SIPA1L2: variants seen among roughly 807,000 people sequenced by gnomAD.
The protein encoded by SIPA1L2 is signal-induced proliferation-associated 1-like protein 2.
A neutral mutation model predicts 163.9 loss-of-function variants in SIPA1L2; 56 were observed. The observed-to-expected ratio is 0.34, with a 90% CI of 0.28 to 0.43. The LOEUF is 0.43. Among genes scored for constraint, SIPA1L2 ranks in the 20% least tolerant of loss-of-function variants. The probability of loss-of-function intolerance (pLI) is 1.00; values close to 1 mark genes in which losing one functional copy is unlikely to be tolerated. For missense variants in SIPA1L2, 1,974 were observed against 2,193.5 expected, an observed-to-expected ratio of 0.90 and a Z score of 2.00; for synonymous variants, 877 against 865.7, an observed-to-expected ratio of 1.01 and a Z score of -0.23.
At chr1:232,569,423 AG>A (rs888701990) in intron 2 of SIPA1L2, among the ~76,000 whole-genome samples, 1 of 152,230 alleles carries the variant, frequency 6.6e-6, no homozygotes, top group Non-Finnish European at 1.5e-5. Flanking sequence ...AAGCAGGCAA[AG>A]GATGCTGTCG....
intron 10 of SIPA1L2, among the ~76,000 whole-genome samples, chr1:232,458,645 A>C (rs552193400): frequency 1.3e-5 from 2 of 152,196 alleles, no homozygotes; most frequent in Non-Finnish European, 2.9e-5. Flanking sequence ...AAAAGACTTG[A>C]TACAAAGGCA....
chr1:232,416,749 C>A (rs1480723144), intron 18 of SIPA1L2, among the ~76,000 whole-genome samples: 1 of 152,190 alleles, frequency 6.6e-6, no homozygotes, highest in Non-Finnish European at 1.5e-5. Flanking sequence ...GTTGGATTAC[C>A]TTTCTGACTT....
At chr1:232,560,063 T>C (rs12564016) in intron 2 of SIPA1L2, among the ~76,000 whole-genome samples, 8,470 of 152,304 alleles carry the variant, frequency 0.056, 944 homozygotes, top group East Asian at 0.5. Flanking sequence ...CACAGAACTG[T>C]TGGACTTTCA....
rs749943893 is a variant in SIPA1L2, at chr1:232,465,069, A to T, written c.2591T>A (p.Phe864Tyr). 2 of 1,614,200 alleles carry T rather than the reference A, an allele frequency of 1.2e-6. No homozygotes were observed. Among genetic ancestry groups the T allele is most frequent in the Admixed American group, 1.7e-5 (1 of 60,022 alleles). Residue 864 changes from phenylalanine to tyrosine, a missense_variant, in exon 9 of 23, where the codon TTC (phenylalanine) becomes TAC (tyrosine). Transcript: ENST00000674635. The surrounding 1 kb of genome is among the most constrained non-coding windows in gnomAD (Gnocchi z 4.1). ...ACATTCAATGTCAGCAGACTGGCCGAAGTCCCGGGCTATCACGTGCCACAT... is the reference window on the plus strand; with the variant it reads ...ACATTCAATGTCAGCAGACTGGCCGTAGTCCCGGGCTATCACGTGCCACAT... ...AIMWHVIARD[F>Y]GQSADIECLL...
intron 18 of SIPA1L2, among the ~76,000 whole-genome samples, chr1:232,418,030 T>C (rs184381891): frequency 2.8e-4 from 43 of 152,336 alleles, no homozygotes; most frequent in African/African-American, 1.0e-3. Context: ...CTGTTCATCA[T>C]GTTTTACTAA....
chr1:232,550,751 G>A (rs1014476834), intron 2 of SIPA1L2, among the ~76,000 whole-genome samples: 1 of 152,338 alleles, frequency 6.6e-6, no homozygotes, highest in Non-Finnish European at 1.5e-5. Flanking sequence ...TTGAGAAAAC[G>A]TGAGAGGTGC....
intron 1 of SIPA1L2, among the ~76,000 whole-genome samples, chr1:232,623,391 G>C (rs1175034890): frequency 6.6e-6 from 1 of 152,146 alleles, no homozygotes; most frequent in African/African-American, 2.4e-5. Flanking sequence ...AGATCACGAG[G>C]TCAGGAGATC....
At chr1:232,588,197 C>T (rs1660771991) in intron 1 of SIPA1L2, among the ~76,000 whole-genome samples, 1 of 152,156 alleles carries the variant, frequency 6.6e-6, no homozygotes, top group Non-Finnish European at 1.5e-5. Flanking sequence ...TGGGGTGGAC[C>T]TATGAGGTGA....
In SIPA1L2 at chr1:232,465,360, C is replaced by T. The variant is rs201564576; in HGVS notation, c.2300G>A (p.Gly767Asp). 258 of 1,613,802 alleles carry T rather than the reference C, an allele frequency of 1.6e-4. 4 individuals are homozygous for T. In the South Asian group the frequency reaches 2.7e-3, roughly 17 times the overall value. Residue 767 changes from glycine to aspartate, a missense_variant, in exon 9 of 23, where the codon GGT (glycine) becomes GAT (aspartate). Around this residue, in one of 3 missense-constraint regions of SIPA1L2, gnomAD observed 288 missense variants for 418.9 expected, o/e 0.69. Transcript: ENST00000674635. This position sits in a 1 kb window ranked among gnomAD's most constrained non-coding sequence, Gnocchi z 4.1. ...CACGGCTGACTTTGGAAAAGTTACA[C>T]CTTTGGGAATCGGTGGGCCAAATGG... ...VPPFGPPIPK[G>D]VTFPKSAVFR...
At chr1:232,415,738 C>T (rs991334588) in intron 18 of SIPA1L2, 113 bp from the exon 19 acceptor site, 266 of 1,433,570 alleles carry the variant, frequency 1.9e-4, no homozygotes, top group Middle Eastern at 5.4e-4. Flanking sequence ...AGTCAGAACA[C>T]GGGCACCACT....
At chr1:232,572,842 A>G (rs2781793) in intron 2 of SIPA1L2, among the ~76,000 whole-genome samples, 59,117 of 148,344 alleles carry the variant, frequency 0.4, 13,042 homozygotes, top group African/African-American at 0.59. Flanking sequence ...GCAATGGCGC[A>G]ATCTCGGCTC....
intron 10 of SIPA1L2, among the ~76,000 whole-genome samples, chr1:232,449,751 A>G (rs1663456758): frequency 7.0e-6 from 1 of 141,870 alleles, no homozygotes; most frequent in Non-Finnish European, 1.6e-5. Flanking sequence ...TCACTGAGGA[A>G]TTCAGACTCC....
rs1031131897 is a variant in SIPA1L2, at chr1:232,471,241, C to A, written c.2243+130G>T. ...ATGGGAAGAAGGCAATTATTTCTTA[C>A]AGAAAGTGTCTGAGTAATTAGAAAA... On this transcript the variant is annotated intron_variant, in intron 8 of 22. Transcript: ENST00000674635. 3 of 991,306 alleles carry A rather than the reference C, an allele frequency of 3.0e-6. No homozygotes were observed. In the South Asian group the frequency reaches 4.6e-5, roughly 15 times the overall value. 61.4% of individuals were successfully genotyped at this position (991,306 alleles called of 1,614,324 possible).
intron 2 of SIPA1L2, among the ~76,000 whole-genome samples, chr1:232,548,723 C>CACTCCA (rs1446233814): frequency 6.6e-6 from 1 of 152,292 alleles, no homozygotes; most frequent in East Asian, 1.9e-4. Context: ...GTAAACCCCA[C>CACTCCA]ACTCCAACAG....
chr1:232,460,854 G>GTC (rs769055570), intron 10 of SIPA1L2, 33 bp downstream of exon 10: 1 of 1,599,136 alleles, frequency 6.3e-7, no homozygotes, highest in Non-Finnish European at 8.5e-7. Context: ...GGCAAAGGAG[G>GTC]AGTGAGCATT....
At chr1:232,490,818 C>T (rs1359507697) in intron 5 of SIPA1L2, 56 bp downstream of exon 5, 7 of 1,521,870 alleles carry the variant, frequency 4.6e-6, no homozygotes, top group Non-Finnish European at 6.2e-6. Flanking sequence ...AACTCCAAAA[C>T]TTTCAGAAAC....
At chr1:232,420,050 G>T (rs564904870) in intron 18 of SIPA1L2, among the ~76,000 whole-genome samples, 1 of 152,150 alleles carries the variant, frequency 6.6e-6, no homozygotes, top group Non-Finnish European at 1.5e-5. Flanking sequence ...GGCTGAGCGC[G>T]GTGGCTCACA....
At chr1:232,511,937 G>A (rs553567518) in intron 3 of SIPA1L2, among the ~76,000 whole-genome samples, 2 of 152,242 alleles carry the variant, frequency 1.3e-5, no homozygotes, top group Admixed American at 1.3e-4. Context: ...GAGGCAACAG[G>A]CAACCTACAG....
At chr1:232,446,617 T>TA (rs1377366009) in intron 10 of SIPA1L2, among the ~76,000 whole-genome samples, 1 of 152,252 alleles carries the variant, frequency 6.6e-6, no homozygotes, top group Non-Finnish European at 1.5e-5. Flanking sequence ...TAACCAGTCT[T>TA]AGTGACCAAA....
Sources: gnomAD v4.1 joint callset for allele counts (sites outside exome capture counted in the v4.1 genomes callset) on GRCh38, gnomAD v4.1.1 for gene constraint, gnomAD v4.1.1 regional missense constraint, Gnocchi (gnomAD v3.1) non-coding constraint, MANE v1.5 for transcripts, NCBI Gene and HGNC (gene_info 2026-07-23, HGNC 2026-07-21) for gene names.